The following SLC2A3 variants were observed in gnomAD, a reference collection of about 807,000 sequenced individuals.
SLC2A3 encodes solute carrier family 2, facilitated glucose transporter member 3.
SLC2A3 carries 21 observed loss-of-function variants against 46.4 expected under a neutral mutation model. The ratio of observed to expected loss-of-function variants is 0.45; its 90% CI spans 0.32 to 0.65. The LOEUF is 0.65. Ranked by LOEUF, SLC2A3 falls within the 30% of genes least tolerant of loss-of-function variation. The pLI is 0.04. For synonymous variants in SLC2A3, 213 were observed against 239.4 expected, an observed-to-expected ratio of 0.89 and a Z score of 1.02; for missense variants, 499 against 623.3, an observed-to-expected ratio of 0.80 and a Z score of 2.12.
chr12:7,924,751 CAG>C (rs1169069795), intron 7 of SLC2A3, among the ~76,000 whole-genome samples: 1 of 144,842 alleles, frequency 6.9e-6, no homozygotes, highest in East Asian at 2.0e-4. Context: ...GAGCAGGCCT[CAG>C]ATAACAGAAT....
rs192452683 is a variant in SLC2A3 at position 7,925,361 on chromosome 12, G to T, written c.966+483C>A. ...GGAGCTTGTGACTGGCATCAGGAGT[G>T]GGGGGCAGTCTTGGGAACTGGGCCA... On this transcript the variant is annotated intron_variant, in intron 7 of 9. Coordinates refer to ENST00000075120, the MANE Select transcript of SLC2A3 (RefSeq NM_006931.3). The T allele has an allele frequency of 1.1e-3, 175 of 153,384 alleles. 2 individuals carry two copies. In the Middle Eastern group the frequency reaches 0.027, roughly 24 times the overall value. 9.5% of individuals were successfully genotyped at this position (153,384 alleles called of 1,614,324 possible).
chr12:7,923,081 A>G lies in SLC2A3; in HGVS notation c.1069-57T>C, dbSNP rs17847959. The G allele has an allele frequency of 1.9e-4, 285 of 1,505,986 alleles. No individual in the cohort carries two copies. In the East Asian group the frequency reaches 6.6e-3, roughly 35 times the overall value. The allele number at this position is 1,505,986 out of a possible 1,614,324, so 93.3% of individuals were successfully genotyped here. A position where few individuals can be genotyped will look rare whatever the true frequency, so the allele number is the denominator to read the frequency against. ...TTAAAGACAGTGTAACCTAGTATCT[A>G]GGTTCCCAGAAGCAATTAACGGCAA... On this transcript the variant is annotated intron_variant, in intron 8 of 9. Coordinates refer to ENST00000075120, the MANE Select transcript of SLC2A3 (RefSeq NM_006931.3).
Position 7,930,596 on chromosome 12 carries a change from A to G in SLC2A3, c.557T>C (p.Leu186Pro), listed in dbSNP as rs750049936. ...FILGSEELWPLLLGFTILPAI... is the reference protein window; with the variant it reads ...FILGSEELWPPLLGFTILPAI... ...AGGAAGGATGGTAAAACCCAGTAGCAGCGGCCATAGCTCTTCAGACCCAAG... is the reference window on the plus strand; with the variant it reads ...AGGAAGGATGGTAAAACCCAGTAGCGGCGGCCATAGCTCTTCAGACCCAAG... Residue 186 changes from leucine (L) to proline (P), a missense_variant, in exon 5 of 10, where the codon CTG becomes CCG. This residue lies in a region of SLC2A3 where 248 missense variants were observed against 284.0 expected (regional missense o/e 0.87). Coordinates refer to ENST00000075120, the MANE Select transcript of SLC2A3 (RefSeq NM_006931.3). 3.1e-6 allele frequency: 5 copies of G among 1,613,956 alleles called. No homozygotes were observed. The highest frequency in any genetic ancestry group is 4.2e-6 in the Non-Finnish European group (5 of 1,179,914).
chr12:7,932,367 A>G lies in SLC2A3; in HGVS notation c.269+620T>C, dbSNP rs188158144. ...TAATTTTTGTATTTTTGGTAGAGAC[A>G]GGGTTTTGCCATGTTGGCCAGGCTG... On this transcript the variant is annotated intron_variant, in intron 3 of 9. Transcript: ENST00000075120. Among the ~76,000 whole-genome samples, 339 of 152,132 alleles carry G rather than the reference A, an allele frequency of 2.2e-3. 2 individuals carry two copies. Among genetic ancestry groups the G allele is most frequent in the African/African-American group, 8.0e-3 (332 of 41,516 alleles).
chr12:7,931,771 C>T (rs1459819410), intron 3 of SLC2A3, among the ~76,000 whole-genome samples: 4 of 151,876 alleles, frequency 2.6e-5, no homozygotes, highest in Non-Finnish European at 5.9e-5. Flanking sequence ...GCAAGACCCT[C>T]TTTCTTGGGG....
Position 7,929,812 on chromosome 12 carries a change from C to G in SLC2A3, c.733G>C (p.Glu245Gln), listed in dbSNP as rs1946133394. 6.2e-7 allele frequency: 1 copy of G among 1,613,580 alleles called. No individual in the cohort carries two copies. The highest frequency in any genetic ancestry group is 1.3e-5 in the African/African-American group (1 of 74,912). ...TTTTCTTGTGACATCCTTGCACTCT[C>G]ATCTTTCATCTCCTGGATGTCTTGG... ...VSQDIQEMKD[E>Q]SARMSQEKQV... The change falls in exon 6 of 10, where the codon GAG (glutamate) becomes CAG (glutamine). Residue 245 changes from glutamate (E) to glutamine (Q), a missense_variant. By Grantham distance (29) the Glu-to-Gln change is conservative. Around this residue, in one of 5 missense-constraint regions of SLC2A3, gnomAD observed 5 missense variants for 22.9 expected, o/e 0.22. Coordinates refer to ENST00000075120, the MANE Select transcript of SLC2A3 (RefSeq NM_006931.3).
intron 3 of SLC2A3, among the ~76,000 whole-genome samples, chr12:7,932,446 A>C (rs1474128683): frequency 6.6e-6 from 1 of 152,104 alleles, no homozygotes; most frequent in Non-Finnish European, 1.5e-5. Context: ...CCAAAGTGCT[A>C]GGATTACAGG....
chr12:7,933,781 A>G (rs1241211914), intron 2 of SLC2A3, 29 bp downstream of exon 2: 32 of 1,601,648 alleles, frequency 2.0e-5, no homozygotes, highest in Middle Eastern at 1.7e-4. Context: ...CCCTATTCTA[A>G]ATTCTAATTA....
At chr12:7,930,277 T>C in intron 5 of SLC2A3, 1 of 588,956 alleles carries the variant, frequency 1.7e-6, no homozygotes, top group South Asian at 2.2e-5. Context: ...CATCACACCC[T>C]GCCTGATAGC....
intron 6 of SLC2A3, among the ~76,000 whole-genome samples, chr12:7,928,129 G>T (rs962643458): frequency 2.0e-5 from 3 of 151,702 alleles, no homozygotes; most frequent in Non-Finnish European, 4.4e-5. Flanking sequence ...GCCAGGCGCA[G>T]TGGCTCACGC....
intron 3 of SLC2A3, among the ~76,000 whole-genome samples, chr12:7,932,480 A>T (rs1946166474): frequency 6.6e-6 from 1 of 152,158 alleles, no homozygotes; most frequent in African/African-American, 2.4e-5. Context: ...ACCGTGCCTA[A>T]TTGGCAAATT....
intron 5 of SLC2A3, 87 bp downstream of exon 5, chr12:7,930,393 G>C: frequency 7.6e-7 from 1 of 1,323,998 alleles, no homozygotes; most frequent in Non-Finnish European, 1.1e-6. Flanking sequence ...CAGGGAAAGA[G>C]TGTAACAGAA....
chr12:7,936,021 T>G lies in SLC2A3; in HGVS notation c.14A>C (p.Lys5Thr), dbSNP rs1405176613. 1 of 1,605,026 alleles carries G rather than the reference T, an allele frequency of 6.2e-7. No homozygotes were observed. The change falls in exon 1 of 10, where the codon AAG (lysine) becomes ACG (threonine). Residue 5 changes from lysine to threonine, a missense_variant and splice_region_variant. This residue lies in a region of SLC2A3 where 248 missense variants were observed against 284.0 expected (regional missense o/e 0.87). Transcript: ENST00000075120. ...AACCAGTAATTATATCATTCTTACC[T>G]TCTGTGTCCCCATCGCTGTAATCTA... MGTQ[K>T]VTPALIFAIT... is the part of the protein sequence containing the mutation.
At chr12:7,923,166 T>C in intron 8 of SLC2A3, 142 bp from the exon 9 acceptor site, 6 of 805,094 alleles carry the variant, frequency 7.5e-6, no homozygotes, top group Non-Finnish European at 1.2e-5. Context: ...AGGCTTGGAT[T>C]TATTTTTATT....
chr12:7,928,568 CTTTCT>C (rs1946118766), intron 6 of SLC2A3, among the ~76,000 whole-genome samples: 1 of 151,866 alleles, frequency 6.6e-6, no homozygotes, highest in Non-Finnish European at 1.5e-5. Flanking sequence ...TTCTTTCATT[CTTTCT>C]TTTTTCTTTT....
At chr12:7,930,713 A>G in intron 4 of SLC2A3, 71 bp from the exon 5 acceptor site, 1 of 1,470,792 alleles carries the variant, frequency 6.8e-7, no homozygotes, top group East Asian at 2.3e-5. Flanking sequence ...AAACACAAAA[A>G]GTTCAGAAAA....
intron 3 of SLC2A3, among the ~76,000 whole-genome samples, chr12:7,932,020 G>A (rs978717931): frequency 6.6e-6 from 1 of 151,424 alleles, no homozygotes; most frequent in African/African-American, 2.4e-5. Flanking sequence ...AGCTGGGATT[G>A]CAGGCGCATG....
At chr12:7,925,483 C>T (rs1946085534) in intron 7 of SLC2A3, 1 of 191,234 alleles carries the variant, frequency 5.2e-6, no homozygotes, top group Non-Finnish European at 1.1e-5. Context: ...ACTGATTGCA[C>T]ACCTCACGGG....
chr12:7,930,774 C>T (rs574789532), intron 4 of SLC2A3, 132 bp from the exon 5 acceptor site: 22 of 891,356 alleles, frequency 2.5e-5, no homozygotes, highest in Non-Finnish European at 3.4e-5. Context: ...GTTTCTTTTC[C>T]TTTCTCTACT....
Sources: gnomAD v4.1 joint callset for allele counts (sites outside exome capture counted in the v4.1 genomes callset) on GRCh38, gnomAD v4.1.1 for gene constraint, gnomAD v4.1.1 regional missense constraint, MANE v1.5 for transcripts, NCBI Gene and HGNC (gene_info 2026-07-23, HGNC 2026-07-21) for gene names.